Variants in ADAMTSL1 observed in about 807,000 individuals in gnomAD.
ADAMTSL1 encodes the protein ADAMTS-like protein 1.
In ADAMTSL1, 126 loss-of-function variants were observed where a neutral mutation model predicts 201.8. The observed-to-expected ratio is 0.62, with a 90% CI of 0.54 to 0.72. The LOEUF is 0.72. ADAMTSL1 is among the 30% of genes least tolerant of loss of function. The pLI is 0.00. For missense variants in ADAMTSL1, 2,679 were observed against 2,277.8 expected (o/e 1.18, Z -3.59); for synonymous variants, 1,121 against 903.4 (o/e 1.24, Z -4.32).
chr9:18,136,722 TAGAC>T (rs1826173089), intron 1 of ADAMTSL1, among the ~76,000 whole-genome samples: 3 of 151,754 alleles, frequency 2.0e-5, no homozygotes, highest in Admixed American at 6.6e-5. Flanking sequence ...AGTAGGAAAA[TAGAC>T]AGATATTTGG....
chr9:18,576,133 G>A (rs566508391), intron 4 of ADAMTSL1, among the ~76,000 whole-genome samples: 3 of 152,044 alleles, frequency 2.0e-5, no homozygotes, highest in African/African-American at 4.8e-5. Flanking sequence ...GGTATAATTT[G>A]TAAATTATAC....
intron 2 of ADAMTSL1, among the ~76,000 whole-genome samples, chr9:18,245,884 G>T (rs751474172): frequency 1.5e-4 from 23 of 151,958 alleles, no homozygotes; most frequent in Admixed American, 6.6e-4. Flanking sequence ...TCAATTAGCC[G>T]CCACCTTAGA....
In ADAMTSL1 at chr9:18,826,411, G is replaced by A; in HGVS notation, c.4062G>A (p.Arg1354=). ...SSSDQGLYSC[R]AANLHGELTE... Reference sequence around the variant, plus strand: ...CGGATCAGGGCCTGTACTCCTGCAGGGCGGCCAATCTTCATGGAGAGCTGA... The same window carrying A: ...CGGATCAGGGCCTGTACTCCTGCAGAGCGGCCAATCTTCATGGAGAGCTGA... Residue 1354 remains arginine (R), a synonymous_variant, in exon 22 of 29, where the codon AGG becomes AGA. Coordinates refer to ENST00000380548, the MANE Select transcript of ADAMTSL1 (RefSeq NM_001040272.6). 6.2e-7 allele frequency: 1 copy of A among 1,613,814 alleles called. No homozygotes were observed. Among genetic ancestry groups the A allele is most frequent in the African/African-American group, 1.3e-5 (1 of 75,012 alleles).
At chr9:18,323,964 A>G (rs915665950) in intron 2 of ADAMTSL1, among the ~76,000 whole-genome samples, 5 of 152,198 alleles carry the variant, frequency 3.3e-5, no homozygotes, top group Non-Finnish European at 5.9e-5. Flanking sequence ...TTTTGTAGAC[A>G]TTGACAAGCT....
At chr9:18,514,761 T>C (rs1408423772) in intron 2 of ADAMTSL1, among the ~76,000 whole-genome samples, 1 of 152,246 alleles carries the variant, frequency 6.6e-6, no homozygotes, top group Non-Finnish European at 1.5e-5. Context: ...CTTCTTCCTT[T>C]CTTTTTTGGA....
chr9:17,949,649 C>T (rs1451952307), intron 1 of ADAMTSL1, among the ~76,000 whole-genome samples: 2 of 152,190 alleles, frequency 1.3e-5, no homozygotes, highest in Non-Finnish European at 2.9e-5. Flanking sequence ...TCTTATTGCT[C>T]ACAGGCAGCA....
At chr9:18,222,785 A>G (rs1402394213) in intron 2 of ADAMTSL1, among the ~76,000 whole-genome samples, 1 of 151,816 alleles carries the variant, frequency 6.6e-6, no homozygotes, top group African/African-American at 2.4e-5. Context: ...GCCTGCAAAA[A>G]CATCTTTATT....
intron 16 of ADAMTSL1, among the ~76,000 whole-genome samples, chr9:18,759,114 G>C (rs1563774367): frequency 6.6e-6 from 1 of 152,158 alleles, no homozygotes; most frequent in African/African-American, 2.4e-5. Flanking sequence ...CCACCCAACT[G>C]TACACACATG....
At chr9:18,886,642 G>A (rs1412397842) in intron 23 of ADAMTSL1, among the ~76,000 whole-genome samples, 1 of 152,192 alleles carries the variant, frequency 6.6e-6, no homozygotes, top group Non-Finnish European at 1.5e-5. Context: ...TTCTCATTGT[G>A]TCCCACATGG....
chr9:18,429,748 A>C (rs998955374), intron 2 of ADAMTSL1, among the ~76,000 whole-genome samples: 1 of 152,116 alleles, frequency 6.6e-6, no homozygotes, highest in African/African-American at 2.4e-5. Context: ...TATTCCATTT[A>C]AATTCTCTAT....
At chr9:18,882,762 G>C (rs1208341727) in intron 23 of ADAMTSL1, among the ~76,000 whole-genome samples, 2 of 152,094 alleles carry the variant, frequency 1.3e-5, no homozygotes, top group Admixed American at 6.6e-5. Flanking sequence ...GGGAAGCTGA[G>C]GAGGGAGGAT....
At chr9:18,390,190 G>A (rs1029768916) in intron 2 of ADAMTSL1, among the ~76,000 whole-genome samples, 4 of 152,042 alleles carry the variant, frequency 2.6e-5, no homozygotes, top group African/African-American at 4.8e-5. Flanking sequence ...GCAGGAAGGG[G>A]AGTTACTTAC....
intron 1 of ADAMTSL1, among the ~76,000 whole-genome samples, chr9:18,034,040 G>C (rs1315542692): frequency 6.6e-6 from 1 of 152,116 alleles, no homozygotes. Context: ...TACTCTCAGA[G>C]TGAGGTTCTT....
intron 1 of ADAMTSL1, among the ~76,000 whole-genome samples, chr9:18,150,954 G>A (rs577004813): frequency 4.6e-5 from 7 of 152,016 alleles, no homozygotes; most frequent in African/African-American, 1.4e-4. Context: ...TAGAAGGAAA[G>A]GAGGGGGCTA....
chr9:18,631,749 TA>T (rs1217052471), intron 5 of ADAMTSL1, among the ~76,000 whole-genome samples: 2 of 152,218 alleles, frequency 1.3e-5, no homozygotes, highest in African/African-American at 4.8e-5. Flanking sequence ...TATAGATAGA[TA>T]TTTTTTAAAG....
At chr9:18,528,566 C>T (rs1001365232) in intron 2 of ADAMTSL1, among the ~76,000 whole-genome samples, 2 of 152,084 alleles carry the variant, frequency 1.3e-5, no homozygotes, top group Non-Finnish European at 2.9e-5. Context: ...CATAGTATTC[C>T]ATGGTGTATA....
At chr9:18,492,749 T>A (rs1268735663) in intron 1 of ADAMTSL1, among the ~76,000 whole-genome samples, 1 of 152,218 alleles carries the variant, frequency 6.6e-6, no homozygotes, top group Non-Finnish European at 1.5e-5. Context: ...GACATTTTTG[T>A]AGCTAGAGGT....
intron 26 of ADAMTSL1, 63 bp from the exon 27 acceptor site, chr9:18,905,719 G>A: frequency 7.5e-7 from 1 of 1,337,694 alleles, no homozygotes; most frequent in Non-Finnish European, 1.0e-6. Context: ...TGCAGCCCAA[G>A]CACGGCGGCC....
intron 2 of ADAMTSL1, among the ~76,000 whole-genome samples, chr9:18,313,690 A>G (rs753352963): frequency 1.3e-5 from 2 of 152,196 alleles, no homozygotes; most frequent in Non-Finnish European, 2.9e-5. Flanking sequence ...CAGTCCTGAA[A>G]CTGTAAAACT....
Sources: gnomAD v4.1 joint callset for allele counts (sites outside exome capture counted in the v4.1 genomes callset) on GRCh38, gnomAD v4.1.1 for gene constraint, MANE v1.5 for transcripts, NCBI Gene and HGNC (gene_info 2026-07-23, HGNC 2026-07-21) for gene names.